CHD2: variants seen among roughly 807,000 people sequenced by gnomAD.
CHD2 encodes ATP-dependent chromatin remodeler CHD2.
CHD2 carries 28 observed loss-of-function variants against 243.9 expected under a neutral mutation model. That is an observed-to-expected ratio of 0.11 (90% confidence interval 0.09 to 0.16). CHD2 has a LOEUF of 0.16. Among genes scored for constraint, CHD2 ranks in the 10% least tolerant of loss-of-function variants. The pLI is 1.00. For synonymous variants in CHD2, 775 were observed against 779.0 expected (o/e 0.99, Z 0.09); for missense variants, 1,386 against 2,209.8 (o/e 0.63, Z 7.47).
chr15:92,996,818 C>G, intron 28 of CHD2, 139 bp from the exon 29 acceptor site: 1 of 801,398 alleles, frequency 1.2e-6, no homozygotes, highest in Non-Finnish European at 1.8e-6. Context: ...AAAAATTTGT[C>G]TTATAGATTA....
intron 28 of CHD2, among the ~76,000 whole-genome samples, chr15:92,994,845 A>G (rs749708600): frequency 8.5e-5 from 13 of 152,122 alleles, no homozygotes; most frequent in Non-Finnish European, 1.9e-4. Flanking sequence ...GCATGTCCAC[A>G]TTCTGGATCT....
intron 17 of CHD2, among the ~76,000 whole-genome samples, chr15:92,971,207 A>G (rs930943122): frequency 6.6e-6 from 1 of 152,186 alleles, no homozygotes; most frequent in Non-Finnish European, 1.5e-5. Flanking sequence ...GACCAGAAGT[A>G]TTTCAGATTT....
At position 92,942,906 on chromosome 15, in the gene CHD2, A is replaced by G; in HGVS notation, c.890A>G (p.Asp297Gly). The G allele has an allele frequency of 6.2e-7, 1 of 1,614,100 alleles. No individual in the cohort carries two copies. Among genetic ancestry groups the G allele is most frequent in the Middle Eastern group, 1.6e-4 (1 of 6,062 alleles). ...AATGGCGACCCTAGTGGTGACTTTG[A>G]CACTGAAAAGGATGAAGGTGAAATC... is the stretch of plus-strand genomic sequence containing the variant. ...EANGDPSGDF[D>G]TEKDEGEIQY... The change falls in exon 9 of 39, where the codon GAC (aspartate) becomes GGC (glycine). Residue 297 changes from aspartate (D) to glycine (G), a missense_variant. Physicochemically the swap from Asp to Gly is moderately conservative, Grantham distance 94. This residue lies in a region of CHD2 where 200 missense variants were observed against 292.5 expected (regional missense o/e 0.68). Coordinates refer to ENST00000394196, the MANE Select transcript of CHD2 (RefSeq NM_001271.4).
intron 27 of CHD2, among the ~76,000 whole-genome samples, chr15:92,992,616 G>A (rs994309787): frequency 2.0e-5 from 3 of 152,082 alleles, no homozygotes; most frequent in African/African-American, 7.2e-5. Flanking sequence ...TTTCCTCTCT[G>A]TTTTTTGGAA....
At position 92,900,626 on chromosome 15, in the gene CHD2, A is replaced by T. The variant is rs2052515663; in HGVS notation, c.-270A>T. 2.5e-6 allele frequency: 1 copy of T among 398,256 alleles called. No individual in the cohort carries two copies. Among genetic ancestry groups the T allele is most frequent in the East Asian group, 3.6e-5 (1 of 28,064 alleles). 24.7% of individuals were successfully genotyped at this position (398,256 alleles called of 1,614,324 possible). A position where few individuals can be genotyped will look rare whatever the true frequency, so the allele number is the denominator to read the frequency against. Reference sequence around the variant, plus strand: ...CACCTCCATTTTTGTGCGCTCTCCTAATGAGGTTTTTTTTCTTTCGGACCT... The same window carrying T: ...CACCTCCATTTTTGTGCGCTCTCCTTATGAGGTTTTTTTTCTTTCGGACCT... On this transcript the variant is annotated 5_prime_UTR_variant, in exon 1 of 39. An upstream open reading frame in the 5' UTR loses its in-frame stop. Coordinates refer to ENST00000394196, the MANE Select transcript of CHD2 (RefSeq NM_001271.4).
At position 93,010,858 on chromosome 15, in the gene CHD2, G is replaced by A. The variant is rs199621791; in HGVS notation, c.4593-1487G>A. Among the ~76,000 whole-genome samples, 4 of 152,288 alleles carry A rather than the reference G, an allele frequency of 2.6e-5. No individual in the cohort carries two copies. The East Asian group carries it at 7.7e-4, about 29-fold the overall frequency. On this transcript the variant is annotated intron_variant, in intron 35 of 38. Transcript: ENST00000394196. ...ACATAACCACAGTTACTTTGAACTT[G>A]TATATAGTTCATGGATAATGTGATT... is the stretch of plus-strand genomic sequence containing the variant.
chr15:92,993,088 A>T (rs906905270), intron 28 of CHD2, 90 bp downstream of exon 28: 1 of 1,342,564 alleles, frequency 7.4e-7, no homozygotes. Flanking sequence ...GACAGGCTTG[A>T]GGACCACACA....
Position 92,972,330 on chromosome 15 carries a change from G to A in CHD2, c.2418G>A (p.Arg806=), listed in dbSNP as rs1330473840. The A allele has an allele frequency of 1.2e-6, 2 of 1,613,098 alleles. No individual in the cohort carries two copies. Among genetic ancestry groups the A allele is most frequent in the Non-Finnish European group, 1.7e-6 (2 of 1,179,470 alleles). The stretch of plus-strand genomic sequence containing the variant: ...AACTGTTGACAAGACTTCGAGAAAG[G>A]GGGAATCGAGTGCTTATCTTCTCTC... The part of the protein sequence containing the change: ...LDKLLTRLRE[R]GNRVLIFSQM... Residue 806 remains arginine (R), a synonymous_variant, in exon 19 of 39, where the codon AGG becomes AGA. Transcript: ENST00000394196.
chr15:92,974,170 T>G (rs2053878193), intron 19 of CHD2: 1 of 152,228 alleles, frequency 6.6e-6, no homozygotes, highest in African/African-American at 2.4e-5. Flanking sequence ...CAGGTGATAA[T>G]TCTTTAGTAT....
chr15:92,945,225 A>G (rs2053443032), intron 10 of CHD2: 1 of 152,334 alleles, frequency 6.6e-6, no homozygotes, highest in East Asian at 1.9e-4. Context: ...AAACGCATCC[A>G]TGGAGTGGTG....
At chr15:93,008,465 C>T (rs896283932) in intron 34 of CHD2, among the ~76,000 whole-genome samples, 1 of 152,338 alleles carries the variant, frequency 6.6e-6, no homozygotes, top group East Asian at 1.9e-4. Context: ...CTTCTGAAGA[C>T]ACCTCGCCGT....
chr15:92,982,473 A>G (rs959444413), intron 24 of CHD2, among the ~76,000 whole-genome samples: 2 of 152,206 alleles, frequency 1.3e-5, no homozygotes, highest in Non-Finnish European at 2.9e-5. Flanking sequence ...TTTTGAGGTC[A>G]GAGAAATTGG....
At chr15:92,931,949 G>C (rs1225100541) in intron 5 of CHD2, among the ~76,000 whole-genome samples, 1 of 148,214 alleles carries the variant, frequency 6.7e-6, no homozygotes, top group East Asian at 2.0e-4. Flanking sequence ...TGCAGCCTCC[G>C]CCTCCGGGGT....
chr15:93,013,429 GAATAACA>G (rs753671909), intron 36 of CHD2, among the ~76,000 whole-genome samples: 2 of 152,190 alleles, frequency 1.3e-5, no homozygotes, highest in Non-Finnish European at 2.9e-5. Context: ...GGATCAGAAT[GAATAACA>G]AAACAGTATA....
At chr15:92,942,668 C>T (rs768523046) in intron 8 of CHD2, among the ~76,000 whole-genome samples, 175 bp from the exon 9 acceptor site, 2 of 152,066 alleles carry the variant, frequency 1.3e-5, no homozygotes, top group African/African-American at 2.4e-5. Context: ...TTTTAAAATA[C>T]TTGAAATTTT....
chr15:92,917,730 CTGATAGT>C (rs1373988812), intron 2 of CHD2, among the ~76,000 whole-genome samples: 1 of 152,174 alleles, frequency 6.6e-6, no homozygotes, highest in Non-Finnish European at 1.5e-5. Flanking sequence ...ATACCTAACG[CTGATAGT>C]TGATAGTGTG....
chr15:92,981,975 C>CA (rs1190002016), intron 24 of CHD2, among the ~76,000 whole-genome samples: 3 of 152,106 alleles, frequency 2.0e-5, no homozygotes, highest in Non-Finnish European at 4.4e-5. Flanking sequence ...GAGGTGGCAG[C>CA]ACAGAGTATC....
At chr15:93,005,709 T>G (rs2054311698) in intron 34 of CHD2, among the ~76,000 whole-genome samples, 1 of 152,154 alleles carries the variant, frequency 6.6e-6, no homozygotes, top group Non-Finnish European at 1.5e-5. Flanking sequence ...TTTTCTTAAG[T>G]CTCTTTTTTG....
chr15:93,017,531 C>G (rs983120598), intron 37 of CHD2, among the ~76,000 whole-genome samples: 2 of 109,602 alleles, frequency 1.8e-5, no homozygotes, highest in Non-Finnish European at 3.5e-5. Flanking sequence ...TATTTTTGTA[C>G]AGACAGGGTC....
Sources: allele counts gnomAD v4.1 joint callset (sites outside exome capture counted in the v4.1 genomes callset), GRCh38; gene constraint gnomAD v4.1.1; regional missense constraint gnomAD v4.1.1; transcripts MANE v1.5; gene names NCBI Gene and HGNC (gene_info 2026-07-23, HGNC 2026-07-21).